Variants in NBEA observed in about 807,000 individuals in gnomAD.
NBEA encodes lysosomal-trafficking regulator 2.
In NBEA, 44 loss-of-function variants were observed where a neutral mutation model predicts 343.4. That is an observed-to-expected ratio of 0.13 (90% CI 0.10 to 0.16). The LOEUF (loss-of-function observed/expected upper bound fraction) is 0.16, where lower values mean the gene tolerates loss of function less well. Ranked by LOEUF, NBEA falls within the 10% of genes least tolerant of loss-of-function variation. The pLI, the probability that NBEA is intolerant of heterozygous loss-of-function variation, is 1.00. For missense variants in NBEA, 2,555 were observed against 3,631.3 expected, an observed-to-expected ratio of 0.70 and a Z score of 7.62; for synonymous variants, 1,175 against 1,238.7, an observed-to-expected ratio of 0.95 and a Z score of 1.08.
At chr13:35,019,232 A>AT (rs1169182996) in intron 1 of NBEA, among the ~76,000 whole-genome samples, 4 of 149,260 alleles carry the variant, frequency 2.7e-5, no homozygotes, top group African/African-American at 9.8e-5. Context: ...TGGTTTTCTG[A>AT]TTTTGTTACC....
chr13:35,376,486 T>A (rs374179295), intron 38 of NBEA, among the ~76,000 whole-genome samples: 11 of 152,216 alleles, frequency 7.2e-5, no homozygotes, highest in Non-Finnish European at 1.5e-4. Flanking sequence ...TCATAAAATC[T>A]AGTGTTCAGT....
intron 40 of NBEA, among the ~76,000 whole-genome samples, chr13:35,453,076 TTATA>T (rs1163701004): frequency 6.6e-6 from 1 of 152,218 alleles, no homozygotes; most frequent in African/African-American, 2.4e-5. Context: ...AGAGGTGGAC[TTATA>T]TTTATAATTC....
At chr13:35,230,560 C>G (rs1459897320) in intron 33 of NBEA, among the ~76,000 whole-genome samples, 1 of 152,016 alleles carries the variant, frequency 6.6e-6, no homozygotes, top group African/African-American at 2.4e-5. Context: ...CTCACTCTTA[C>G]CATTCTTACC....
At chr13:35,301,170 GTT>G (rs549172552) in intron 35 of NBEA, among the ~76,000 whole-genome samples, 1 of 142,876 alleles carries the variant, frequency 7.0e-6, no homozygotes. Flanking sequence ...TCCACAATAT[GTT>G]TTTTTTTTTT....
At chr13:35,011,779 C>G (rs2061500274) in intron 1 of NBEA, among the ~76,000 whole-genome samples, 1 of 152,026 alleles carries the variant, frequency 6.6e-6, no homozygotes, top group Non-Finnish European at 1.5e-5. Flanking sequence ...TTTTAGGCTA[C>G]TTGATATTTT....
chr13:34,951,131 T>C (rs1476501451), intron 1 of NBEA, among the ~76,000 whole-genome samples: 1 of 152,238 alleles, frequency 6.6e-6, no homozygotes, highest in Non-Finnish European at 1.5e-5. Context: ...TAATTTATTC[T>C]TAGTTCTTTA....
intron 1 of NBEA, among the ~76,000 whole-genome samples, chr13:34,973,750 A>G (rs2060074690): frequency 6.6e-6 from 1 of 152,190 alleles, no homozygotes. Context: ...ATTCCAAGCC[A>G]GTGGGTCTTA....
At chr13:35,212,031 G>A (rs61947438) in intron 33 of NBEA, among the ~76,000 whole-genome samples, 1,580 of 151,486 alleles carry the variant, frequency 0.01, 20 homozygotes, top group Non-Finnish European at 0.015. Flanking sequence ...ACACACGTAT[G>A]TATTCACAGT....
intron 27 of NBEA, 126 bp downstream of exon 27, chr13:35,173,720 C>G: frequency 1.3e-6 from 1 of 767,938 alleles, no homozygotes; most frequent in Non-Finnish European, 1.8e-6. Context: ...TTAGGCAGCT[C>G]TAGGCTGCTT....
intron 10 of NBEA, among the ~76,000 whole-genome samples, chr13:35,090,030 T>TGGTG (rs1415771139): frequency 6.6e-6 from 1 of 150,398 alleles, no homozygotes; most frequent in Non-Finnish European, 1.5e-5. Context: ...GTGCATAATG[T>TGGTG]GCACATGTAC....
chr13:35,582,662 C>G (rs887718437), intron 45 of NBEA, among the ~76,000 whole-genome samples: 1 of 152,052 alleles, frequency 6.6e-6, no homozygotes, highest in Non-Finnish European at 1.5e-5. Context: ...CTTTGTTAAT[C>G]ATAATTAAAG....
chr13:35,394,405 T>C (rs1484100534), intron 38 of NBEA, among the ~76,000 whole-genome samples: 1 of 152,120 alleles, frequency 6.6e-6, no homozygotes, highest in Admixed American at 6.6e-5. Context: ...CAAGTATATA[T>C]GTGATCATTG....
intron 1 of NBEA, among the ~76,000 whole-genome samples, chr13:34,955,525 C>G (rs752479216): frequency 4.6e-5 from 7 of 151,772 alleles, no homozygotes; most frequent in Non-Finnish European, 1.0e-4. Context: ...AAAGGGATCT[C>G]GAAGGACAAG....
chr13:35,270,946 GCTACTGCAGA>G (rs758714652), intron 34 of NBEA, among the ~76,000 whole-genome samples: 3 of 152,218 alleles, frequency 2.0e-5, no homozygotes, highest in African/African-American at 4.8e-5. Flanking sequence ...GCAGCAGACA[GCTACTGCAGA>G]CTTAAACGTC....
chr13:35,186,031 C>T (rs1398433055), intron 30 of NBEA: 2 of 151,992 alleles, frequency 1.3e-5, no homozygotes, highest in Non-Finnish European at 2.9e-5. Context: ...CGGCCCAGCT[C>T]GGTGGTGCAT....
chr13:35,418,308 T>A (rs1237420544), intron 38 of NBEA, among the ~76,000 whole-genome samples: 4 of 152,064 alleles, frequency 2.6e-5, no homozygotes, highest in Non-Finnish European at 4.4e-5. Context: ...TATTGTTTTT[T>A]CTATAGTGAC....
intron 38 of NBEA, among the ~76,000 whole-genome samples, chr13:35,398,520 A>G (rs2042849353): frequency 6.6e-6 from 1 of 152,150 alleles, no homozygotes; most frequent in Non-Finnish European, 1.5e-5. Context: ...GGGCTACAGA[A>G]TGGCTGTTGT....
intron 51 of NBEA, among the ~76,000 whole-genome samples, chr13:35,648,182 T>C (rs1425844255): frequency 8.6e-6 from 1 of 116,500 alleles, no homozygotes; most frequent in Non-Finnish European, 1.8e-5. Flanking sequence ...TTTAAACTCT[T>C]TTTTTTTTTT....
chr13:35,078,183 A>G (rs1206192541), intron 10 of NBEA, among the ~76,000 whole-genome samples: 4 of 152,200 alleles, frequency 2.6e-5, no homozygotes, highest in African/African-American at 9.6e-5. Flanking sequence ...TCTGTATACC[A>G]AATGACCCAT....
Sources: allele counts gnomAD v4.1 joint callset (sites outside exome capture counted in the v4.1 genomes callset), GRCh38; gene constraint gnomAD v4.1.1; transcripts MANE v1.5; gene names NCBI Gene and HGNC (gene_info 2026-07-23, HGNC 2026-07-21).